Variants in SGCZ observed in about 807,000 individuals in gnomAD.
SGCZ encodes sarcoglycan zeta, also known as zeta-sarcoglycan.
A neutral mutation model predicts 41.3 loss-of-function variants in SGCZ; 40 were observed. The ratio of observed to expected loss-of-function variants is 0.97; its 90% CI spans 0.75 to 1.26. The LOEUF (loss-of-function observed/expected upper bound fraction) is 1.26. SGCZ is among the 50% of genes most tolerant of loss of function. SGCZ has a pLI of 0.00. For missense variants in SGCZ, 552 were observed against 369.8 expected (o/e 1.49, Z -4.04); for synonymous variants, 206 against 137.5 (o/e 1.50, Z -3.49).
intron 2 of SGCZ, among the ~76,000 whole-genome samples, chr8:14,446,506 TG>T (rs1326498576): frequency 6.6e-6 from 1 of 152,126 alleles, no homozygotes; most frequent in East Asian, 1.9e-4. Context: ...ACTTGAAGAG[TG>T]GTAATAAATT....
At chr8:14,761,879 G>A (rs1180800454) in intron 1 of SGCZ, among the ~76,000 whole-genome samples, 2 of 151,966 alleles carry the variant, frequency 1.3e-5, no homozygotes, top group Non-Finnish European at 2.9e-5. Context: ...AACTCCCAAG[G>A]GCTAGAATTT....
At chr8:14,783,261 C>G (rs1405461061) in intron 1 of SGCZ, among the ~76,000 whole-genome samples, 1 of 152,104 alleles carries the variant, frequency 6.6e-6, no homozygotes, top group Admixed American at 6.5e-5. Flanking sequence ...TGGCGAAAGC[C>G]AGTATCTACT....
At chr8:14,935,607 A>G (rs957559564) in intron 1 of SGCZ, among the ~76,000 whole-genome samples, 2 of 151,928 alleles carry the variant, frequency 1.3e-5, no homozygotes, top group African/African-American at 2.4e-5. Flanking sequence ...TTAGATATTT[A>G]TTAATTAAAG....
intron 2 of SGCZ, among the ~76,000 whole-genome samples, chr8:14,479,908 A>T (rs7831561): frequency 6.6e-6 from 1 of 151,942 alleles, no homozygotes; most frequent in Non-Finnish European, 1.5e-5. Context: ...AGCACGCTCG[A>T]CTAATTTTGT....
At chr8:14,786,859 C>A (rs967243675) in intron 1 of SGCZ, among the ~76,000 whole-genome samples, 53 of 136,084 alleles carry the variant, frequency 3.9e-4, no homozygotes, top group African/African-American at 9.5e-4. Flanking sequence ...AAACAAAAAA[C>A]ACATAGATTA....
intron 1 of SGCZ, among the ~76,000 whole-genome samples, chr8:14,869,590 G>A (rs1159556221): frequency 2.0e-5 from 3 of 152,260 alleles, no homozygotes; most frequent in Non-Finnish European, 4.4e-5. Flanking sequence ...TCTGTCCAGG[G>A]CAATCAGGCA....
intron 1 of SGCZ, among the ~76,000 whole-genome samples, chr8:15,216,469 C>G (rs1012561160): frequency 6.6e-6 from 1 of 151,976 alleles, no homozygotes; most frequent in African/African-American, 2.4e-5. Flanking sequence ...ATCTGCCCAC[C>G]TGGGGCTCCC....
chr8:15,002,660 T>A (rs138149401), intron 1 of SGCZ, among the ~76,000 whole-genome samples: 1 of 152,206 alleles, frequency 6.6e-6, no homozygotes, highest in Admixed American at 6.5e-5. Flanking sequence ...CTCAAGCTTT[T>A]TGGGGGGAAA....
intron 1 of SGCZ, among the ~76,000 whole-genome samples, chr8:14,732,371 C>A (rs1402057199): frequency 6.6e-6 from 1 of 152,130 alleles, no homozygotes; most frequent in Non-Finnish European, 1.5e-5. Flanking sequence ...TCTTTCGTTT[C>A]CACTCATTCT....
At chr8:14,439,991 T>A (rs1354735440) in intron 2 of SGCZ, among the ~76,000 whole-genome samples, 5 of 151,840 alleles carry the variant, frequency 3.3e-5, no homozygotes, top group African/African-American at 7.3e-5. Context: ...ACAAAAAAAA[T>A]TTTAACTAAA....
At chr8:14,947,098 C>T (rs1274069790) in intron 1 of SGCZ, among the ~76,000 whole-genome samples, 2 of 152,256 alleles carry the variant, frequency 1.3e-5, no homozygotes, top group Admixed American at 6.5e-5. Context: ...AACCCCAGTA[C>T]ATCAATAGAG....
intron 1 of SGCZ, among the ~76,000 whole-genome samples, chr8:15,121,781 A>C (rs1807485881): frequency 6.6e-6 from 1 of 152,112 alleles, no homozygotes; most frequent in East Asian, 1.9e-4. Flanking sequence ...CATAAAGTTC[A>C]AAAAGCATGG....
chr8:14,338,257 G>T (rs1230931412), intron 2 of SGCZ, among the ~76,000 whole-genome samples: 5 of 152,092 alleles, frequency 3.3e-5, no homozygotes, highest in Non-Finnish European at 7.4e-5. Flanking sequence ...CCACAAGATG[G>T]GCCTTCTGGT....
At chr8:14,851,340 G>T (rs1234576437) in intron 1 of SGCZ, among the ~76,000 whole-genome samples, 1 of 120,536 alleles carries the variant, frequency 8.3e-6, no homozygotes, top group African/African-American at 3.2e-5. Flanking sequence ...CTGCACTCCA[G>T]CCTGGGCGAC....
intron 1 of SGCZ, among the ~76,000 whole-genome samples, chr8:14,861,535 G>A (rs535760138): frequency 1.1e-4 from 17 of 152,106 alleles, no homozygotes; most frequent in Admixed American, 2.0e-4. Flanking sequence ...ATGACATAAA[G>A]AACAGTAAAA....
chr8:14,765,906 A>T (rs1443734183), intron 1 of SGCZ, among the ~76,000 whole-genome samples: 1 of 152,150 alleles, frequency 6.6e-6, no homozygotes, highest in East Asian at 1.9e-4. Flanking sequence ...TGCCAGGCAC[A>T]TCATCACTGT....
Position 15,147,587 on chromosome 8 carries a change from G to A in SGCZ, c.39+89998C>T, listed in dbSNP as rs756461778. ...GCTGCCGTACCCGGCTGACACTTCC[G>A]TTTTATTGGGTTAATTTAGTGATTT... On this transcript the variant is annotated intron_variant, in intron 1 of 7. Coordinates refer to ENST00000382080, the MANE Select transcript of SGCZ (RefSeq NM_139167.4). Among the ~76,000 whole-genome samples, 8 of 152,106 alleles carry A rather than the reference G, an allele frequency of 5.3e-5. No individual in the cohort carries two copies. The East Asian group carries it at 5.8e-4, about 11-fold the overall frequency.
chr8:14,102,240 A>G (rs1973167), intron 7 of SGCZ, 136 bp downstream of exon 7: 336,049 of 999,640 alleles, frequency 0.34, 58,586 homozygotes, highest in African/African-American at 0.46. Context: ...ACCTAATATT[A>G]CTTTCCTAAG....
At chr8:14,404,879 G>A (rs1020289657) in intron 2 of SGCZ, among the ~76,000 whole-genome samples, 1 of 152,318 alleles carries the variant, frequency 6.6e-6, no homozygotes, top group Admixed American at 6.5e-5. Context: ...CTGGGAGCAA[G>A]AGGAGTGGGA....
Sources: gnomAD v4.1 joint callset for allele counts (sites outside exome capture counted in the v4.1 genomes callset) on GRCh38, gnomAD v4.1.1 for gene constraint, MANE v1.5 for transcripts, NCBI Gene and HGNC (gene_info 2026-07-23, HGNC 2026-07-21) for gene names.